The following KCNQ1 variants were observed in gnomAD, a reference collection of about 807,000 sequenced individuals.
The protein encoded by KCNQ1 is potassium voltage-gated channel subfamily Q member 1.
In KCNQ1, 49 loss-of-function variants were observed where a neutral mutation model predicts 72.4. That is an observed-to-expected ratio of 0.68 (90% CI 0.54 to 0.86). The LOEUF (loss-of-function observed/expected upper bound fraction) is 0.86, where lower values mean the gene tolerates loss of function less well. KCNQ1 is among the 40% of genes least tolerant of loss of function. The pLI, the probability that KCNQ1 is intolerant of heterozygous loss-of-function variation, is 0.00. For missense variants in KCNQ1, 790 were observed against 945.1 expected, an observed-to-expected ratio of 0.84 and a Z score of 2.15; for synonymous variants, 450 against 412.6, an observed-to-expected ratio of 1.09 and a Z score of -1.10.
Position 2,478,239 on chromosome 11 carries a change from G to A in KCNQ1, c.386+32755G>A, listed in dbSNP as rs997149810. On this transcript the variant is annotated intron_variant, in intron 1 of 15. Transcript: ENST00000155840. This position sits in a 1 kb window ranked among gnomAD's most constrained non-coding sequence, Gnocchi z 4.0. ...TTTGAAAATGCCAGGGCCAAAAAAC[G>A]TAGAAGGCTAAATAAAGTACCGTTC... is the stretch of plus-strand genomic sequence containing the variant. 1.3e-5 allele frequency among the ~76,000 whole-genome samples: 2 copies of A among 152,194 alleles called. No individual in the cohort carries two copies. The highest frequency in any genetic ancestry group is 4.8e-5 in the African/African-American group (2 of 41,446).
At chr11:2,655,185 AC>A in intron 10 of KCNQ1, 2 of 398,618 alleles carry the variant, frequency 5.0e-6, no homozygotes, top group East Asian at 7.1e-5. Flanking sequence ...AGAGGGTGAG[AC>A]TTGGCAGCCA....
chr11:2,579,958 A>C lies in KCNQ1; in HGVS notation c.922-3477A>C, dbSNP rs1848476024. The stretch of plus-strand genomic sequence containing the variant: ...CCACTCTGACTTCCAGGCCAGCCCC[A>C]CTCCATTCCACCTTCATCATGCAGT... On this transcript the variant is annotated intron_variant, in intron 6 of 15. Transcript: ENST00000155840. This position sits in a 1 kb window ranked among gnomAD's most constrained non-coding sequence, Gnocchi z 6.0. 6.6e-6 allele frequency among the ~76,000 whole-genome samples: 1 copy of C among 151,592 alleles called. No homozygotes were observed. Among genetic ancestry groups the C allele is most frequent in the African/African-American group, 2.4e-5 (1 of 41,198 alleles).
Position 2,600,566 on chromosome 11 carries a change from T to C in KCNQ1, c.1393+11712T>C, listed in dbSNP as rs575523521. ...CATTTTGCTGTGTATTTCTGAAAAA[T>C]AAAGATATTATCTTTGAAAGCAGTA... is the stretch of plus-strand genomic sequence containing the variant. On this transcript the variant is annotated intron_variant, in intron 10 of 15. Transcript: ENST00000155840. This position sits in a 1 kb window ranked among gnomAD's most constrained non-coding sequence, Gnocchi z 5.6. 2.6e-5 allele frequency among the ~76,000 whole-genome samples: 4 copies of C among 152,328 alleles called. No individual in the cohort carries two copies. Among genetic ancestry groups the C allele is most frequent in the Admixed American group, 2.6e-4 (4 of 15,304 alleles).
rs930967163 is a variant in KCNQ1, at chr11:2,457,550, T to A, written c.386+12066T>A. On this transcript the variant is annotated intron_variant, in intron 1 of 15. Transcript: ENST00000155840. This position sits in a 1 kb window ranked among gnomAD's most constrained non-coding sequence, Gnocchi z 5.0. ...GAAAACCAAATACTGCGTGGTCTCA[T>A]GGATTATAAGTGAGGGCTAAACATC... is the stretch of plus-strand genomic sequence containing the variant. Among the ~76,000 whole-genome samples, 3 of 151,778 alleles carry A rather than the reference T, an allele frequency of 2.0e-5. No individual in the cohort carries two copies. The highest frequency in any genetic ancestry group is 7.3e-5 in the African/African-American group (3 of 41,200).
intron 11 of KCNQ1, among the ~76,000 whole-genome samples, chr11:2,755,674 T>G (rs375932618): frequency 1.3e-5 from 2 of 152,228 alleles, no homozygotes; most frequent in African/African-American, 4.8e-5. Context: ...CTTTTCCATA[T>G]AACGTAACAT....
rs11023297 is a variant in KCNQ1 at position 2,559,532 on chromosome 11, C to T, written c.478-11096C>T. Reference sequence around the variant, plus strand: ...AGGATGGTGTCCGGGATGTGGGGACCAGACGACAGCTGTCACCCACTTGCA... The same window carrying T: ...AGGATGGTGTCCGGGATGTGGGGACTAGACGACAGCTGTCACCCACTTGCA... On this transcript the variant is annotated intron_variant, in intron 2 of 15. Transcript: ENST00000155840. This position sits in a 1 kb window ranked among gnomAD's most constrained non-coding sequence, Gnocchi z 4.9. Among the ~76,000 whole-genome samples, 204 of 152,318 alleles carry T rather than the reference C, an allele frequency of 1.3e-3. 3 individuals are homozygous for T. In the East Asian group the frequency reaches 0.032, roughly 24 times the overall value.
At position 2,695,584 on chromosome 11, in the gene KCNQ1, G is replaced by C. The variant is rs551114818; in HGVS notation, c.1514+33503G>C. 1 of 398,524 alleles carries C rather than the reference G, an allele frequency of 2.5e-6. No homozygotes were observed. The highest frequency in any genetic ancestry group is 3.6e-5 in the East Asian group (1 of 28,072). The allele number at this position is 398,524 out of a possible 1,614,324, so 24.7% of individuals were successfully genotyped here. On this transcript the variant is annotated intron_variant, in intron 11 of 15. Coordinates refer to ENST00000155840, the MANE Select transcript of KCNQ1 (RefSeq NM_000218.3). This position sits in a 1 kb window ranked among gnomAD's most constrained non-coding sequence, Gnocchi z 5.2. ...TGAGCATGCACACACACAGCCTCTC[G>C]TTGTTCTGGGTGAGAACTGCTCCAG...
chr11:2,753,433 G>C (rs978658526), intron 11 of KCNQ1, among the ~76,000 whole-genome samples: 1 of 152,142 alleles, frequency 6.6e-6, no homozygotes, highest in Non-Finnish European at 1.5e-5. Context: ...CCCAGAAAAG[G>C]CATGTGCCCT....
chr11:2,811,897 C>T (rs1847494008), intron 15 of KCNQ1, among the ~76,000 whole-genome samples: 1 of 152,314 alleles, frequency 6.6e-6, no homozygotes, highest in Non-Finnish European at 1.5e-5. Context: ...CCTGAGCTCC[C>T]GAGTGCCCGC....
rs1321460300 is a variant in KCNQ1, at chr11:2,543,852, A to G, written c.477+15834A>G. On this transcript the variant is annotated intron_variant, in intron 2 of 15. Transcript: ENST00000155840. The surrounding 1 kb of genome is among the most constrained non-coding windows in gnomAD (Gnocchi z 5.6). ...ACTGGTCCAGTGTCATTTGTTGAAA[A>G]GAGTATCCTTTACCCAGTGAATCAT... 6.6e-6 allele frequency among the ~76,000 whole-genome samples: 1 copy of G among 152,168 alleles called. No individual in the cohort carries two copies. Among genetic ancestry groups the G allele is most frequent in the Admixed American group, 6.5e-5 (1 of 15,276 alleles).
chr11:2,482,587 G>A lies in KCNQ1; in HGVS notation c.386+37103G>A, dbSNP rs185031547. 2.6e-5 allele frequency among the ~76,000 whole-genome samples: 4 copies of A among 152,162 alleles called. No individual in the cohort carries two copies. Among genetic ancestry groups the A allele is most frequent in the Admixed American group, 6.5e-5 (1 of 15,270 alleles). ...GACACCTTTGGCCAAATCACCTTCC[G>A]GGAGTGTTTTCCTAATTTAGCTTCC... On this transcript the variant is annotated intron_variant, in intron 1 of 15. Coordinates refer to ENST00000155840, the MANE Select transcript of KCNQ1 (RefSeq NM_000218.3). The surrounding 1 kb of genome is among the most constrained non-coding windows in gnomAD (Gnocchi z 5.7).
In KCNQ1 at chr11:2,784,496, G is replaced by C. The variant is rs1303589010; in HGVS notation, c.1794+6459G>C. On this transcript the variant is annotated intron_variant, in intron 15 of 15. Transcript: ENST00000155840. The surrounding 1 kb of genome is among the most constrained non-coding windows in gnomAD (Gnocchi z 4.7). ...AATTTTGTTCATCTTTTTACAAATT[G>C]TTTCTGTCTATTCTAAGTCCTATGA... Among the ~76,000 whole-genome samples the C allele has an allele frequency of 6.6e-6, 1 of 151,722 alleles. No individual in the cohort carries two copies. Among genetic ancestry groups the C allele is most frequent in the Non-Finnish European group, 1.5e-5 (1 of 67,754 alleles).
In KCNQ1 at chr11:2,559,225, C is replaced by T. The variant is rs969470340; in HGVS notation, c.478-11403C>T. ...TCCCAGAGGTGCTTCCCGGGAAGCCCGTGGAGAGGATGCATTCGACACCCA... is the reference window on the plus strand; with the variant it reads ...TCCCAGAGGTGCTTCCCGGGAAGCCTGTGGAGAGGATGCATTCGACACCCA... On this transcript the variant is annotated intron_variant, in intron 2 of 15. Transcript: ENST00000155840. This position sits in a 1 kb window ranked among gnomAD's most constrained non-coding sequence, Gnocchi z 4.9. 6.6e-5 allele frequency among the ~76,000 whole-genome samples: 10 copies of T among 152,088 alleles called. No homozygotes were observed. The highest frequency in any genetic ancestry group is 2.1e-4 in the South Asian group (1 of 4,802).
At chr11:2,531,232 A>T (rs1299710898) in intron 2 of KCNQ1, among the ~76,000 whole-genome samples, 1 of 149,006 alleles carries the variant, frequency 6.7e-6, no homozygotes, top group Non-Finnish European at 1.5e-5. Flanking sequence ...TGGGCTCCAC[A>T]TGCCCGTCTG....
At chr11:2,722,034 A>G (rs1244258178) in intron 11 of KCNQ1, among the ~76,000 whole-genome samples, 1 of 152,050 alleles carries the variant, frequency 6.6e-6, no homozygotes, top group Non-Finnish European at 1.5e-5. Context: ...CCTGTCCTCC[A>G]TTTGGTGGCC....
intron 11 of KCNQ1, among the ~76,000 whole-genome samples, chr11:2,756,441 T>TAAA (rs59499292): frequency 0.11 from 14,874 of 137,058 alleles, 883 homozygotes; most frequent in Middle Eastern, 0.15. Flanking sequence ...TTACTAAAAT[T>TAAA]AAAAAAAAAA....
At chr11:2,561,377 G>A (rs1394809061) in intron 2 of KCNQ1, among the ~76,000 whole-genome samples, 2 of 152,162 alleles carry the variant, frequency 1.3e-5, no homozygotes, top group Non-Finnish European at 2.9e-5. Context: ...CAGCATGAGA[G>A]TCTGTACCCC....
At position 2,473,525 on chromosome 11, in the gene KCNQ1, G is replaced by A. The variant is rs1441789907; in HGVS notation, c.386+28041G>A. On this transcript the variant is annotated intron_variant, in intron 1 of 15. Transcript: ENST00000155840. The surrounding 1 kb of genome is among the most constrained non-coding windows in gnomAD (Gnocchi z 6.0). Reference sequence around the variant, plus strand: ...GCAAGGCCGTTTCCCGTCCTGGTCCGTCGTTGAGTCCCCTGCCGTGGGACA... The same window carrying A: ...GCAAGGCCGTTTCCCGTCCTGGTCCATCGTTGAGTCCCCTGCCGTGGGACA... Among the ~76,000 whole-genome samples, 2 of 152,230 alleles carry A rather than the reference G, an allele frequency of 1.3e-5. No individual in the cohort carries two copies. The highest frequency in any genetic ancestry group is 2.1e-4 in the South Asian group (1 of 4,838).
chr11:2,468,510 G>A lies in KCNQ1; in HGVS notation c.386+23026G>A, dbSNP rs1846387646. On this transcript the variant is annotated intron_variant, in intron 1 of 15. Coordinates refer to ENST00000155840, the MANE Select transcript of KCNQ1 (RefSeq NM_000218.3). The surrounding 1 kb of genome is among the most constrained non-coding windows in gnomAD (Gnocchi z 5.7). ...CCCAGTTTAAAGCAGACAGTTCCATGAGTCCTGACATTTGGAGGCCCTGTG... is the reference window on the plus strand; with the variant it reads ...CCCAGTTTAAAGCAGACAGTTCCATAAGTCCTGACATTTGGAGGCCCTGTG... 6.6e-6 allele frequency among the ~76,000 whole-genome samples: 1 copy of A among 152,094 alleles called. No homozygotes were observed. Among genetic ancestry groups the A allele is most frequent in the South Asian group, 2.1e-4 (1 of 4,832 alleles).
Sources: allele counts gnomAD v4.1 joint callset (sites outside exome capture counted in the v4.1 genomes callset), GRCh38; gene constraint gnomAD v4.1.1; non-coding constraint Gnocchi (gnomAD v3.1); transcripts MANE v1.5; gene names NCBI Gene and HGNC (gene_info 2026-07-23, HGNC 2026-07-21).